Variants in TTC14 observed in about 807,000 individuals in gnomAD.
TTC14 encodes tetratricopeptide repeat domain 14.
A neutral mutation model predicts 79.9 loss-of-function variants in TTC14; 63 were observed. The ratio of observed to expected loss-of-function variants is 0.79; its 90% confidence interval spans 0.64 to 0.97. TTC14 has a LOEUF of 0.97. Ranked by LOEUF, TTC14 falls within the 50% of genes least tolerant of loss-of-function variation. TTC14 has a pLI of 0.00. For missense variants in TTC14, 895 were observed against 894.0 expected, an observed-to-expected ratio of 1.00 and a Z score of -0.01; for synonymous variants, 335 against 309.6, an observed-to-expected ratio of 1.08 and a Z score of -0.86.
At chr3:180,609,517 A>G (rs1227678517) in intron 11 of TTC14, 113 bp from the exon 12 acceptor site, 1 of 1,347,570 alleles carries the variant, frequency 7.4e-7, no homozygotes, top group Non-Finnish European at 9.5e-7. Flanking sequence ...TGTATCATTT[A>G]TCTGAACCAC....
chr3:180,607,933 T>C, intron 10 of TTC14, 168 bp downstream of exon 10: 1 of 1,385,048 alleles, frequency 7.2e-7, no homozygotes, highest in Non-Finnish European at 9.3e-7. Context: ...ATAGTGCCTC[T>C]GTTTTTGTCC....
intron 11 of TTC14, 177 bp downstream of exon 11, chr3:180,608,987 G>A: frequency 2.6e-6 from 3 of 1,143,276 alleles, no homozygotes; most frequent in Non-Finnish European, 2.2e-6. Flanking sequence ...GAGATGAAGT[G>A]GAATTTAAGG....
rs751048630 is a variant in TTC14, at chr3:180,602,882, C to T, written c.162-9C>T. On this transcript the variant is annotated splice_polypyrimidine_tract_variant and intron_variant, in intron 1 of 11. Coordinates refer to ENST00000296015, the MANE Select transcript of TTC14 (RefSeq NM_133462.4). ...ACCCAATTTTCATATATATTTTTTT[C>T]TTTTTAAGAAAAGAGAAGAGAGTTG... The T allele has an allele frequency of 6.3e-7, 1 of 1,596,040 alleles. No homozygotes were observed.
rs1560073244 is a variant in TTC14 at position 180,606,515 on chromosome 3, G to A, written c.1084G>A (p.Glu362Lys). 1.2e-6 allele frequency: 2 copies of A among 1,613,948 alleles called. No individual in the cohort carries two copies. Among genetic ancestry groups the A allele is most frequent in the Non-Finnish European group, 1.7e-6 (2 of 1,179,896 alleles). ...AAAAGGAAGTTTGAACAAAGCAATA[G>A]AAGATTTTGAGCTTGCATTAGAAAA... ...ATKGSLNKAIEDFELALENCP... is the reference protein window; with the variant it reads ...ATKGSLNKAIKDFELALENCP... The change falls in exon 9 of 12, where the codon GAA (glutamate) becomes AAA (lysine). Residue 362 changes from glutamate to lysine, a missense_variant. Transcript: ENST00000296015.
intron 3 of TTC14, chr3:180,603,806 A>G (rs1716521787): frequency 4.5e-6 from 1 of 222,784 alleles, no homozygotes; most frequent in African/African-American, 2.4e-5. Context: ...GTCACGATAA[A>G]AGATTGGGTA....
In TTC14 at chr3:180,610,202, A is replaced by G; in HGVS notation, c.1973A>G (p.Tyr658Cys). Residue 658 changes from tyrosine (Y) to cysteine (C), a missense_variant, in exon 12 of 12, where the codon TAT (tyrosine) becomes TGT (cysteine). Physicochemically the swap from Tyr to Cys is radical, Grantham distance 194. Coordinates refer to ENST00000296015, the MANE Select transcript of TTC14 (RefSeq NM_133462.4). ...EKDIEGRKEH[Y>C]RRWEPGSVRH... is the part of the protein sequence containing the mutation. ...GATATAGAGGGAAGAAAAGAGCACT[A>G]TAGAAGGTGGGAACCAGGTTCTGTG... 3.1e-6 allele frequency: 5 copies of G among 1,613,944 alleles called. No homozygotes were observed. The highest frequency in any genetic ancestry group is 4.2e-6 in the Non-Finnish European group (5 of 1,179,920).
Position 180,604,960 on chromosome 3 carries a change from A to G in TTC14, c.810A>G (p.Leu270=), listed in dbSNP as rs1038113468. 1.9e-6 allele frequency: 3 copies of G among 1,614,118 alleles called. No individual in the cohort carries two copies. ...PGVVEFLLEK[L]GIDESNPPSL... The stretch of plus-strand genomic sequence containing the variant: ...TAGTTGAATTCCTTCTAGAAAAACT[A>G]GGAATAGATGAATCTAATCCACCAT... Residue 270 remains leucine (L), a synonymous_variant, in exon 6 of 12, where the codon CTA becomes CTG. Coordinates refer to ENST00000296015, the MANE Select transcript of TTC14 (RefSeq NM_133462.4).
chr3:180,609,149 A>C (rs1716851871), intron 11 of TTC14: 1 of 705,280 alleles, frequency 1.4e-6, no homozygotes, highest in African/African-American at 1.9e-5. Flanking sequence ...AGATGTGGAG[A>C]CATTTTTGAT....
intron 1 of TTC14, 132 bp from the exon 2 acceptor site, chr3:180,602,758 CT>C: frequency 8.7e-7 from 1 of 1,144,156 alleles, no homozygotes; most frequent in Non-Finnish European, 1.2e-6. Flanking sequence ...CTAGTTAAAA[CT>C]TTTTGTCTGA....
chr3:180,605,604 A>T (rs917254511), intron 6 of TTC14, 162 bp from the exon 7 acceptor site: 3 of 573,042 alleles, frequency 5.2e-6, no homozygotes, highest in Non-Finnish European at 8.9e-6. Flanking sequence ...TTTAACAATA[A>T]TAATCATTTC....
chr3:180,608,988 G>C (rs867748464), intron 11 of TTC14, 178 bp downstream of exon 11: 2 of 1,145,776 alleles, frequency 1.7e-6, no homozygotes, highest in East Asian at 4.1e-5. Flanking sequence ...AGATGAAGTG[G>C]AATTTAAGGC....
chr3:180,614,231 CTTGG>C (rs1272990177), downstream of TTC14: 1 of 161,866 alleles, frequency 6.2e-6, no homozygotes, highest in South Asian at 1.6e-4. Context: ...ATTGTTTATA[CTTGG>C]TTGGCTGTAT....
In TTC14 at chr3:180,609,966, C is replaced by G; in HGVS notation, c.1737C>G (p.Leu579=). 2 of 1,614,052 alleles carry G rather than the reference C, an allele frequency of 1.2e-6. No individual in the cohort carries two copies. Among genetic ancestry groups the G allele is most frequent in the Non-Finnish European group, 1.7e-6 (2 of 1,179,948 alleles). Residue 579 remains leucine (L), a synonymous_variant, in exon 12 of 12, where the codon CTC becomes CTG. Transcript: ENST00000296015. The stretch of plus-strand genomic sequence containing the variant: ...TAAAAGAGAAAGATAGATGCCCTCT[C>G]TCTTCATCTTCACTTGAAATACCGG... ...TQIKEKDRCP[L]SSSSLEIPDD...
intron 12 of TTC14, chr3:180,616,203 G>T: frequency 8.3e-7 from 1 of 1,198,254 alleles, no homozygotes; most frequent in Non-Finnish European, 1.2e-6. Flanking sequence ...TAACAGCTGC[G>T]GTGATGTAGA....
chr3:180,616,304 A>C lies in TTC14; in HGVS notation c.1775-1076A>C. 1 of 1,613,404 alleles carries C rather than the reference A, an allele frequency of 6.2e-7. No individual in the cohort carries two copies. Among genetic ancestry groups the C allele is most frequent in the Middle Eastern group, 1.7e-4 (1 of 6,054 alleles). On this transcript the variant is annotated intron_variant, in intron 12 of 12. Transcript: ENST00000382584. Reference sequence around the variant, plus strand: ...ACCTTGCTGATAGTGAAGTATGTGAAGGAGATCTAGAGCTCTGACGACTGC... The same window carrying C: ...ACCTTGCTGATAGTGAAGTATGTGACGGAGATCTAGAGCTCTGACGACTGC...
At position 180,610,589 on chromosome 3, in the gene TTC14, G is replaced by A. The variant is rs1716951201; in HGVS notation, c.*47G>A. 3.3e-6 allele frequency: 5 copies of A among 1,518,800 alleles called. No individual in the cohort carries two copies. The highest frequency in any genetic ancestry group is 4.4e-6 in the Non-Finnish European group (5 of 1,141,212). 94.1% of individuals were successfully genotyped at this position (1,518,800 alleles called of 1,614,324 possible). Reference sequence around the variant, plus strand: ...ATTACACAAAATGCCATTAAGTGAAGTTTTTGGTTGTATTAGTCATAACAG... The same window carrying A: ...ATTACACAAAATGCCATTAAGTGAAATTTTTGGTTGTATTAGTCATAACAG... On this transcript the variant is annotated 3_prime_UTR_variant, in exon 12 of 12. Transcript: ENST00000296015.
At chr3:180,617,622 T>G (rs1038701509) in exon 13 of TTC14, 3 of 405,762 alleles carry the variant, frequency 7.4e-6, no homozygotes, top group Non-Finnish European at 1.3e-5. Context: ...AATTAAAAAG[T>G]AAAAAAACTA....
intron 1 of TTC14, 102 bp from the exon 2 acceptor site, chr3:180,602,789 T>G: frequency 7.4e-7 from 1 of 1,346,082 alleles, no homozygotes; most frequent in Admixed American, 2.4e-5. Context: ...GTCTGCAGCT[T>G]AGGATGGAGC....
At chr3:180,603,063 A>G in intron 2 of TTC14, 48 bp downstream of exon 2, 1 of 1,610,898 alleles carries the variant, frequency 6.2e-7, no homozygotes. Flanking sequence ...GTTTAACAGT[A>G]CTTCAGGTGA....
Sources: gnomAD v4.1 joint callset for allele counts on GRCh38, gnomAD v4.1.1 for gene constraint, MANE v1.5 for transcripts, NCBI Gene and HGNC (gene_info 2026-07-23, HGNC 2026-07-21) for gene names.